Variants in CORO1C observed in about 807,000 individuals in gnomAD.
CORO1C encodes coronin-1C.
A neutral mutation model predicts 51.2 loss-of-function variants in CORO1C; 14 were observed. That is an observed-to-expected ratio of 0.27 (90% CI 0.18 to 0.43). The LOEUF (loss-of-function observed/expected upper bound fraction) is 0.43. Ranked by LOEUF, CORO1C falls within the 20% of genes least tolerant of loss-of-function variation. The probability of loss-of-function intolerance (pLI) is 1.00; values close to 1 mark genes in which losing one functional copy is unlikely to be tolerated. For synonymous variants in CORO1C, 181 were observed against 210.5 expected (o/e 0.86, Z 1.21); for missense variants, 417 against 607.8 (o/e 0.69, Z 3.30).
At chr12:108,707,267 T>A (rs561458675) in intron 1 of CORO1C, among the ~76,000 whole-genome samples, 67 of 152,314 alleles carry the variant, frequency 4.4e-4, no homozygotes, top group Non-Finnish European at 8.4e-4. Context: ...GACTCCTATT[T>A]CCTGATTTCA....
In CORO1C at chr12:108,647,492, T is replaced by C; in HGVS notation, c.1336A>G (p.Lys446Glu). The C allele has an allele frequency of 6.2e-7, 1 of 1,604,940 alleles. No homozygotes were observed. Among genetic ancestry groups the C allele is most frequent in the Non-Finnish European group, 8.5e-7 (1 of 1,172,852 alleles). The change falls in exon 11 of 11, where the codon AAA (lysine) becomes GAA (glutamate). Residue 446 changes from lysine to glutamate, a missense_variant. Lys to Glu is a moderately conservative substitution (Grantham distance 56). Coordinates refer to ENST00000261401, the MANE Select transcript of CORO1C (RefSeq NM_014325.4). ...QNEAKLDEIL[K>E]EIKSIKDTIC... ...GTGTCTTTTATAGATTTGATCTCTT[T>C]TAAAATCTCATCCAACTTGGCTTCA... is the stretch of plus-strand genomic sequence containing the variant.
At chr12:108,729,460 TAGGTTCTA>T (rs2035665846) in intron 1 of CORO1C, among the ~76,000 whole-genome samples, 3 of 152,328 alleles carry the variant, frequency 2.0e-5, no homozygotes, top group Non-Finnish European at 2.9e-5. Flanking sequence ...ATGGACAAGA[TAGGTTCTA>T]TATTTGTCAA....
chr12:108,662,795 T>C (rs1176815249), intron 3 of CORO1C, among the ~76,000 whole-genome samples: 2 of 152,056 alleles, frequency 1.3e-5, no homozygotes, highest in African/African-American at 2.4e-5. Context: ...ACATGTATTA[T>C]AGAAAATATT....
chr12:108,729,172 T>C (rs1472107090), intron 1 of CORO1C, among the ~76,000 whole-genome samples: 1 of 152,220 alleles, frequency 6.6e-6, no homozygotes, highest in African/African-American at 2.4e-5. Context: ...AGTGACTCTC[T>C]TCCTCATGGT....
At chr12:108,714,742 G>C (rs1045066890) in intron 1 of CORO1C, among the ~76,000 whole-genome samples, 31 of 152,090 alleles carry the variant, frequency 2.0e-4, no homozygotes, top group African/African-American at 6.0e-4. Context: ...CAGCCTGGGG[G>C]ACACAGTGAT....
In CORO1C at chr12:108,665,864, C is replaced by T. The variant is rs574656867; in HGVS notation, c.319-3706G>A. Among the ~76,000 whole-genome samples, 31 of 152,256 alleles carry T rather than the reference C, an allele frequency of 2.0e-4. No homozygotes were observed. In the South Asian group the frequency reaches 6.4e-3, roughly 32 times the overall value. ...TGTGACCTTGAGGACATTCACCTAA[C>T]CTTTCCAGGACTTAATATTGAACCT... On this transcript the variant is annotated intron_variant, in intron 3 of 10. Transcript: ENST00000261401.
At chr12:108,654,097 A>G (rs982109247) in intron 7 of CORO1C, among the ~76,000 whole-genome samples, 1 of 152,242 alleles carries the variant, frequency 6.6e-6, no homozygotes, top group African/African-American at 2.4e-5. Context: ...AGTATGCAAC[A>G]TGGCGTGTTA....
chr12:108,703,043 A>C, intron 1 of CORO1C: 1 of 1,202,772 alleles, frequency 8.3e-7, no homozygotes, highest in Non-Finnish European at 1.1e-6. Flanking sequence ...TGAGTTAGAT[A>C]AGACAGCTTC....
chr12:108,645,588 T>TACAC lies in CORO1C; in HGVS notation c.*1811_*1814dup, dbSNP rs759545300. The TACAC allele has an allele frequency of 2.0e-5, 3 of 152,254 alleles. No homozygotes were observed. Among genetic ancestry groups the TACAC allele is most frequent in the Admixed American group, 1.3e-4 (2 of 15,294 alleles). 9.4% of individuals were successfully genotyped at this position (152,254 alleles called of 1,614,324 possible). A position where few individuals can be genotyped will look rare whatever the true frequency, so the allele number is the denominator to read the frequency against. ...TCCACTTCAATATTAAACACATACATACACACACACAAAACCACATCAAAC... is the reference window on the plus strand; with the variant it reads ...TCCACTTCAATATTAAACACATACATACACACACACACACAAAACCACATCAAAC... On this transcript the variant is annotated 3_prime_UTR_variant, in exon 11 of 11. Coordinates refer to ENST00000261401, the MANE Select transcript of CORO1C (RefSeq NM_014325.4).
chr12:108,683,403 T>G (rs1328780786), intron 2 of CORO1C, among the ~76,000 whole-genome samples: 6 of 134,446 alleles, frequency 4.5e-5, no homozygotes, highest in Admixed American at 1.6e-4. Flanking sequence ...CGGGCAACAG[T>G]GCAAGACTCT....
At chr12:108,704,163 C>G (rs1271844589) in intron 1 of CORO1C, among the ~76,000 whole-genome samples, 1 of 152,158 alleles carries the variant, frequency 6.6e-6, no homozygotes, top group Non-Finnish European at 1.5e-5. Context: ...TTCTGGCTGA[C>G]ATACATACTA....
At chr12:108,720,818 C>T (rs753769943) in intron 1 of CORO1C, among the ~76,000 whole-genome samples, 3 of 152,108 alleles carry the variant, frequency 2.0e-5, no homozygotes, top group East Asian at 1.9e-4. Context: ...CCACCGCACC[C>T]GGCAAATATT....
intron 3 of CORO1C, among the ~76,000 whole-genome samples, chr12:108,672,425 T>C (rs1348274664): frequency 6.6e-6 from 1 of 152,202 alleles, no homozygotes; most frequent in East Asian, 1.9e-4. Context: ...TTCAGTATCA[T>C]GGTATGGTGG....
intron 2 of CORO1C, among the ~76,000 whole-genome samples, chr12:108,693,490 G>T (rs1288435125): frequency 2.0e-5 from 3 of 152,134 alleles, no homozygotes; most frequent in Non-Finnish European, 4.4e-5. Flanking sequence ...GCTTATTCTA[G>T]TTCTTTTCCC....
At position 108,701,150 on chromosome 12, in the gene CORO1C, C is replaced by T. The variant is rs759957370; in HGVS notation, c.169G>A (p.Ala57Thr). The T allele has an allele frequency of 1.2e-6, 2 of 1,614,012 alleles. No homozygotes were observed. The highest frequency in any genetic ancestry group is 2.7e-5 in the African/African-American group (2 of 74,896). ...TTGTGCAGAGGGAGGACAAGGAACG[C>T]TCCTCCCCCACTTGCCTCTATGATT... ...AIIIEASGGG[A>T]FLVLPLHKTG... The change falls in exon 2 of 11, where the codon GCG becomes ACG. Residue 57 changes from alanine (A) to threonine (T), a missense_variant. Ala to Thr is a moderately conservative substitution (Grantham distance 58). Coordinates refer to ENST00000261401, the MANE Select transcript of CORO1C (RefSeq NM_014325.4).
At chr12:108,685,280 T>C (rs2034256844) in intron 2 of CORO1C, among the ~76,000 whole-genome samples, 1 of 152,048 alleles carries the variant, frequency 6.6e-6, no homozygotes, top group African/African-American at 2.4e-5. Flanking sequence ...CCCCAATAAA[T>C]CCACAGCCTG....
At chr12:108,656,428 G>A (rs11114022) in intron 6 of CORO1C, among the ~76,000 whole-genome samples, 42,835 of 149,838 alleles carry the variant, frequency 0.29, 7,400 homozygotes, top group South Asian at 0.44. Context: ...CGGGAGGGAG[G>A]TGGGGGGTCA....
chr12:108,693,277 A>G (rs2136854854), intron 2 of CORO1C, among the ~76,000 whole-genome samples: 2 of 152,364 alleles, frequency 1.3e-5, no homozygotes, highest in African/African-American at 4.8e-5. Context: ...CTACAACTGT[A>G]GAACAGAGGA....
chr12:108,698,065 G>C (rs940890722), intron 2 of CORO1C, among the ~76,000 whole-genome samples: 2 of 151,778 alleles, frequency 1.3e-5, no homozygotes, highest in Admixed American at 6.6e-5. Context: ...CAACTTAGAA[G>C]AAAAAAAAGG....
Sources: gnomAD v4.1 joint callset for allele counts (sites outside exome capture counted in the v4.1 genomes callset) on GRCh38, gnomAD v4.1.1 for gene constraint, MANE v1.5 for transcripts, NCBI Gene and HGNC (gene_info 2026-07-23, HGNC 2026-07-21) for gene names.